The following AADACL2 variants were observed in gnomAD, a reference collection of about 807,000 sequenced individuals.
The protein encoded by AADACL2 is arylacetamide deacetylase like 2.
AADACL2 carries 23 observed loss-of-function variants against 22.3 expected under a neutral mutation model. The observed-to-expected ratio is 1.03, with a 90% CI of 0.74 to 1.46. The LOEUF (loss-of-function observed/expected upper bound fraction) is 1.46. Ranked by LOEUF, AADACL2 falls within the 40% of genes most tolerant of loss-of-function variation. The probability of loss-of-function intolerance (pLI) is 0.00; values close to 1 mark genes in which losing one functional copy is unlikely to be tolerated. For synonymous variants in AADACL2, 177 were observed against 166.2 expected (o/e 1.07, Z -0.50); for missense variants, 472 against 482.9 (o/e 0.98, Z 0.21).
rs1182251298 is a variant in AADACL2 at position 151,757,236 on chromosome 3, G to T, written c.848G>T (p.Trp283Leu). 6.2e-7 allele frequency: 1 copy of T among 1,613,538 alleles called. No homozygotes were observed. Among genetic ancestry groups the T allele is most frequent in the African/African-American group, 1.3e-5 (1 of 74,896 alleles). The change falls in exon 5 of 5, where the codon TGG (tryptophan) becomes TTG (leucine). Residue 283 changes from tryptophan to leucine, a missense_variant. Trp to Leu is a moderately conservative substitution (Grantham distance 61). Transcript: ENST00000356517. Reference sequence around the variant, plus strand: ...AGACATCTGTTTAAGTTTGTTAACTGGAGTATTCTTCTTCCTGAGAAGTAT... The same window carrying T: ...AGACATCTGTTTAAGTTTGTTAACTTGAGTATTCTTCTTCCTGAGAAGTAT... Reference protein sequence around the residue: ...ESRHLFKFVNWSILLPEKYRK... With the variant: ...ESRHLFKFVNLSILLPEKYRK...
intron 4 of AADACL2, among the ~76,000 whole-genome samples, chr3:151,752,532 C>T (rs1713711429): frequency 1.3e-5 from 2 of 152,270 alleles, no homozygotes; most frequent in Non-Finnish European, 2.9e-5. Flanking sequence ...ATCACTATAG[C>T]TTAGAAAACT....
intron 1 of AADACL2, among the ~76,000 whole-genome samples, chr3:151,738,300 T>G (rs1398147656): frequency 1.3e-5 from 2 of 152,224 alleles, no homozygotes; most frequent in African/African-American, 2.4e-5. Flanking sequence ...AATTCTTTTC[T>G]TTAAGAATGT....
At chr3:151,744,249 A>G (rs1410181514) in intron 3 of AADACL2, 87 bp downstream of exon 3, 3 of 1,255,734 alleles carry the variant, frequency 2.4e-6, no homozygotes, top group Non-Finnish European at 3.3e-6. Flanking sequence ...TATGCTTCAA[A>G]TATAATTTTT....
intron 1 of AADACL2, among the ~76,000 whole-genome samples, chr3:151,735,464 TTTAAA>T (rs1368650100): frequency 1.3e-5 from 2 of 152,204 alleles, no homozygotes; most frequent in Admixed American, 6.5e-5. Context: ...CTTCCTCGTC[TTTAAA>T]TTATAAGGGT....
rs552529589 is a variant in AADACL2 at position 151,757,819 on chromosome 3, T to C, written c.*225T>C. 2.7e-6 allele frequency: 1 copy of C among 365,614 alleles called. No homozygotes were observed. Among genetic ancestry groups the C allele is most frequent in the Admixed American group, 4.4e-5 (1 of 22,824 alleles). 22.6% of individuals were successfully genotyped at this position (365,614 alleles called of 1,614,324 possible). ...TATTTTCTCCTTACTTATAATTTAT[T>C]ATAATTATGTTGGTTCTAATAAGAA... On this transcript the variant is annotated 3_prime_UTR_variant, in exon 5 of 5. Transcript: ENST00000356517.
chr3:151,742,188 C>G (rs1030888319), intron 2 of AADACL2, among the ~76,000 whole-genome samples: 1 of 152,158 alleles, frequency 6.6e-6, no homozygotes. Context: ...CTTTGAGAAC[C>G]AAGAAATATA....
intron 4 of AADACL2, among the ~76,000 whole-genome samples, chr3:151,748,944 G>A (rs535831108): frequency 6.6e-6 from 1 of 152,170 alleles, no homozygotes; most frequent in Admixed American, 6.5e-5. Context: ...TTTGATTATT[G>A]TAGCTTTGCA....
chr3:151,754,651 C>T (rs1019544224), intron 4 of AADACL2, among the ~76,000 whole-genome samples: 1 of 151,966 alleles, frequency 6.6e-6, no homozygotes, highest in Admixed American at 6.6e-5. Flanking sequence ...CTTTAAGTTA[C>T]TTAGCTATCC....
chr3:151,754,599 G>C (rs28565534), intron 4 of AADACL2, among the ~76,000 whole-genome samples: 32,861 of 151,936 alleles, frequency 0.22, 3,995 homozygotes, highest in African/African-American at 0.33. Context: ...TGTTGAAAAA[G>C]ATTAAGAATA....
intron 2 of AADACL2, among the ~76,000 whole-genome samples, chr3:151,742,578 C>T (rs560953404): frequency 2.0e-5 from 3 of 152,088 alleles, no homozygotes; most frequent in Non-Finnish European, 2.9e-5. Context: ...CTGGATGAAA[C>T]GGATTTCTTG....
chr3:151,734,081 G>T lies in AADACL2; in HGVS notation c.46G>T (p.Val16Phe). The change falls in exon 1 of 5, where the codon GTC becomes TTC. Residue 16 changes from valine to phenylalanine, a missense_variant. Val to Phe is a conservative substitution (Grantham distance 50). Around this residue, in one of 3 missense-constraint regions of AADACL2, gnomAD observed 356 missense variants for 365.5 expected, o/e 0.97. Transcript: ENST00000356517. ...TTTGGGGCTGCTTTGTGTTCTTTTTGTCTCTCATTTTTACACACCCATGCC... is the reference window on the plus strand; with the variant it reads ...TTTGGGGCTGCTTTGTGTTCTTTTTTTCTCTCATTTTTACACACCCATGCC... ...LCLGLLCVLFVSHFYTPMPDN... is the reference protein window; with the variant it reads ...LCLGLLCVLFFSHFYTPMPDN... 6.2e-7 allele frequency: 1 copy of T among 1,613,384 alleles called. No individual in the cohort carries two copies. Among genetic ancestry groups the T allele is most frequent in the Non-Finnish European group, 8.5e-7 (1 of 1,179,714 alleles).
At chr3:151,741,590 A>G (rs773827686) in intron 2 of AADACL2, among the ~76,000 whole-genome samples, 2 of 152,144 alleles carry the variant, frequency 1.3e-5, no homozygotes, top group Admixed American at 6.6e-5. Context: ...GATTTCATCT[A>G]TATTTCATCT....
intron 4 of AADACL2, among the ~76,000 whole-genome samples, chr3:151,751,727 T>A (rs1191014271): frequency 6.6e-6 from 1 of 151,834 alleles, no homozygotes; most frequent in Admixed American, 6.6e-5. Flanking sequence ...GAAATAACAA[T>A]TGGATGTAGC....
chr3:151,753,012 C>T (rs1176062003), intron 4 of AADACL2, among the ~76,000 whole-genome samples: 1 of 152,172 alleles, frequency 6.6e-6, no homozygotes, highest in South Asian at 2.1e-4. Flanking sequence ...TCTTTAAAAA[C>T]AGTTTAATAG....
In AADACL2 at chr3:151,757,496, A is replaced by G. The variant is rs1270037236; in HGVS notation, c.1108A>G (p.Ile370Val). 1.2e-6 allele frequency: 2 copies of G among 1,613,486 alleles called. No individual in the cohort carries two copies. The highest frequency in any genetic ancestry group is 2.7e-5 in the African/African-American group (2 of 74,906). Residue 370 changes from isoleucine to valine, a missense_variant, in exon 5 of 5, where the codon ATT (isoleucine) becomes GTT (valine). Ile to Val is a conservative substitution (Grantham distance 29). Transcript: ENST00000356517. ...QVVHEHIEDG[I>V]HGALSFMTSP... ...TGTTCATGAACATATTGAGGATGGA[A>G]TTCATGGAGCTTTATCATTCATGAC...
intron 4 of AADACL2, among the ~76,000 whole-genome samples, chr3:151,747,624 G>T (rs1713497102): frequency 6.6e-6 from 1 of 151,328 alleles, no homozygotes; most frequent in Non-Finnish European, 1.5e-5. Context: ...GTGTTTGTGT[G>T]TGTGTGTGTG....
At chr3:151,746,373 T>TG (rs1713447832) in intron 4 of AADACL2, among the ~76,000 whole-genome samples, 1 of 150,922 alleles carries the variant, frequency 6.6e-6, no homozygotes, top group South Asian at 2.1e-4. Context: ...TTGTTTTTTT[T>TG]TTTTTTAGTT....
chr3:151,752,151 G>C (rs1041586875), intron 4 of AADACL2, among the ~76,000 whole-genome samples: 2 of 151,986 alleles, frequency 1.3e-5, no homozygotes, highest in African/African-American at 4.8e-5. Context: ...TTTATTTTGG[G>C]TCATAAGAAT....
At chr3:151,752,621 T>G (rs1182397529) in intron 4 of AADACL2, among the ~76,000 whole-genome samples, 1 of 152,170 alleles carries the variant, frequency 6.6e-6, no homozygotes, top group African/African-American at 2.4e-5. Context: ...TAAATCCAAT[T>G]TCATGGCCAC....
Sources: gnomAD v4.1 joint callset for allele counts (sites outside exome capture counted in the v4.1 genomes callset) on GRCh38, gnomAD v4.1.1 for gene constraint, gnomAD v4.1.1 regional missense constraint, MANE v1.5 for transcripts, NCBI Gene and HGNC (gene_info 2026-07-23, HGNC 2026-07-21) for gene names.